PLXNA2: variants seen among roughly 807,000 people sequenced by gnomAD.
PLXNA2 encodes plexin A2.
Under a neutral mutation model 193.5 loss-of-function variants are expected in PLXNA2, and 91 were observed. The observed-to-expected ratio is 0.47, with a 90% CI of 0.40 to 0.56. The LOEUF (loss-of-function observed/expected upper bound fraction) is 0.56. PLXNA2 is among the 20% of genes least tolerant of loss of function. The probability of loss-of-function intolerance (pLI) is 0.00; values close to 1 mark genes in which losing one functional copy is unlikely to be tolerated. For synonymous variants in PLXNA2, 997 were observed against 1,027.3 expected (o/e 0.97, Z 0.56); for missense variants, 1,995 against 2,503.2 (o/e 0.80, Z 4.33).
rs1313558834 is a variant in PLXNA2 at position 208,029,320 on chromosome 1, C to G, written c.5226-278G>C. 9 of 1,254,114 alleles carry G rather than the reference C, an allele frequency of 7.2e-6. No homozygotes were observed. In the African/African-American group the frequency reaches 7.6e-5, roughly 11 times the overall value. The allele number at this position is 1,254,114 out of a possible 1,614,324, so 77.7% of individuals were successfully genotyped here. On this transcript the variant is annotated intron_variant, in intron 29 of 31. Transcript: ENST00000367033. ...GTGTGTTCTGTTCCCTTCTGGGAGA[C>G]TTTTCTAAAGGACTCTGTGCCCCTA...
Position 208,038,300 on chromosome 1 carries a change from C to T in PLXNA2, c.4764+71G>A, listed in dbSNP as rs1664738628. 2 of 1,046,760 alleles carry T rather than the reference C, an allele frequency of 1.9e-6. No homozygotes were observed. Among genetic ancestry groups the T allele is most frequent in the Non-Finnish European group, 1.5e-6 (1 of 664,630 alleles). The allele number at this position is 1,046,760 out of a possible 1,614,324, so 64.8% of individuals were successfully genotyped here. A position where few individuals can be genotyped will look rare whatever the true frequency, so the allele number is the denominator to read the frequency against. On this transcript the variant is annotated intron_variant, in intron 26 of 31. Coordinates refer to ENST00000367033, the MANE Select transcript of PLXNA2 (RefSeq NM_025179.4). This position sits in a 1 kb window ranked among gnomAD's most constrained non-coding sequence, Gnocchi z 4.1. ...GAAAATCCTTTTTAGACTTTTGAGG[C>T]CTTAGAGCAAGGCTTAGCGGGAAGG...
chr1:208,072,879 A>C (rs1666018461), intron 12 of PLXNA2, among the ~76,000 whole-genome samples: 1 of 152,162 alleles, frequency 6.6e-6, no homozygotes. Flanking sequence ...GTAAGTTCCA[A>C]GAGGATTCTG....
At chr1:208,121,261 C>G (rs1667798793) in intron 4 of PLXNA2, among the ~76,000 whole-genome samples, 1 of 152,068 alleles carries the variant, frequency 6.6e-6, no homozygotes, top group Admixed American at 6.5e-5. Context: ...TCAGGATTCC[C>G]TAAAACCCTC....
intron 1 of PLXNA2, among the ~76,000 whole-genome samples, chr1:208,219,291 A>AGCCTGGAGGTCAGAGAGCAGG: frequency 6.6e-6 from 1 of 152,168 alleles, no homozygotes; most frequent in Non-Finnish European, 1.5e-5. Context: ...CAGAGAGCAG[A>AGCCTGGAGGTCAGAGAGCAGG]GCCTGGAGGT....
rs769712754 is a variant in PLXNA2 at position 208,033,519 on chromosome 1, A to C, written c.4865-10T>G. 1.9e-5 allele frequency: 31 copies of C among 1,594,422 alleles called. 1 individual carries two copies. In the South Asian group the frequency reaches 3.3e-4, roughly 17 times the overall value. On this transcript the variant is annotated splice_polypyrimidine_tract_variant and intron_variant, in intron 27 of 31. Transcript: ENST00000367033. ...TACCTGAAGGAGGAGTCTGAGGAGA[A>C]GGGGTTGGTGGAGGGCTGTGAGTAA...
chr1:208,060,706 C>T lies in PLXNA2; in HGVS notation c.2718G>A (p.Gly906=), dbSNP rs755569186. ...VAGVPCTPLP[G]EYIIAEQIVC... ...CTCACTGCTCAGCGATGATGTATTC[C>T]CCTGGGAGGGGCGTGCAGGGCACCC... Residue 906 remains glycine (G), a synonymous_variant, in exon 13 of 32, where the codon GGG becomes GGA. Coordinates refer to ENST00000367033, the MANE Select transcript of PLXNA2 (RefSeq NM_025179.4). The T allele has an allele frequency of 6.2e-6, 10 of 1,613,848 alleles. No homozygotes were observed. The South Asian group carries it at 8.8e-5, about 14-fold the overall frequency.
intron 18 of PLXNA2, among the ~76,000 whole-genome samples, 174 bp downstream of exon 18, chr1:208,045,704 A>G (rs1412983038): frequency 6.6e-6 from 1 of 152,238 alleles, no homozygotes; most frequent in Non-Finnish European, 1.5e-5. Context: ...TGCAAGCTAT[A>G]TCGCCTGATG....
chr1:208,205,797 T>C (rs1290072786), intron 3 of PLXNA2, among the ~76,000 whole-genome samples: 1 of 152,148 alleles, frequency 6.6e-6, no homozygotes, highest in Non-Finnish European at 1.5e-5. Flanking sequence ...CTTCCTTATA[T>C]GAAGGGGAAA....
chr1:208,178,506 G>A lies in PLXNA2; in HGVS notation c.1371+31774C>T, dbSNP rs574276882. 1.3e-3 allele frequency among the ~76,000 whole-genome samples: 200 copies of A among 152,294 alleles called. 1 individual carries two copies. Among genetic ancestry groups the A allele is most frequent in the African/African-American group, 3.5e-3 (146 of 41,566 alleles). The stretch of plus-strand genomic sequence containing the variant: ...GGAAGGCCTAAAATACCAAATGAAA[G>A]AATAAATCTTCAGGGGTAGGGGCGG... On this transcript the variant is annotated intron_variant, in intron 3 of 31. Coordinates refer to ENST00000367033, the MANE Select transcript of PLXNA2 (RefSeq NM_025179.4).
At chr1:208,136,950 C>T (rs1184632120) in intron 4 of PLXNA2, among the ~76,000 whole-genome samples, 1 of 152,204 alleles carries the variant, frequency 6.6e-6, no homozygotes, top group African/African-American at 2.4e-5. Context: ...TCTCAATCCT[C>T]ACAACAATTG....
At chr1:208,238,333 G>C (rs1172629690) in intron 1 of PLXNA2, among the ~76,000 whole-genome samples, 1 of 152,208 alleles carries the variant, frequency 6.6e-6, no homozygotes. Flanking sequence ...TTTAGCCAAA[G>C]AAAAGCAGAA....
intron 3 of PLXNA2, among the ~76,000 whole-genome samples, chr1:208,166,361 C>T (rs957674187): frequency 2.0e-5 from 3 of 152,304 alleles, no homozygotes; most frequent in Non-Finnish European, 4.4e-5. Flanking sequence ...CAGGCTCAGC[C>T]CACTGAGCTG....
At chr1:208,103,010 A>T in intron 5 of PLXNA2, 137 bp downstream of exon 5, 1 of 701,410 alleles carries the variant, frequency 1.4e-6, no homozygotes, top group Non-Finnish European at 2.5e-6. Context: ...CCTGCTCTCA[A>T]CACTGAAGCC....
intron 4 of PLXNA2, among the ~76,000 whole-genome samples, chr1:208,131,532 C>T (rs1668153254): frequency 6.6e-6 from 1 of 152,158 alleles, no homozygotes; most frequent in Admixed American, 6.5e-5. Flanking sequence ...CTGCAGAGCT[C>T]TGGGGTGTCA....
intron 1 of PLXNA2, among the ~76,000 whole-genome samples, chr1:208,224,693 G>A (rs1033185756): frequency 6.6e-6 from 1 of 152,076 alleles, no homozygotes; most frequent in Non-Finnish European, 1.5e-5. Flanking sequence ...CCTTGCCCCA[G>A]AGTGAAGAAG....
At chr1:208,037,168 C>T (rs1018221950) in intron 26 of PLXNA2, among the ~76,000 whole-genome samples, 2 of 152,090 alleles carry the variant, frequency 1.3e-5, no homozygotes, top group African/African-American at 2.4e-5. Context: ...ATGAGGAGCC[C>T]AAGGTGCAGA....
In PLXNA2 at chr1:208,201,141, C is replaced by T. The variant is rs543991425; in HGVS notation, c.1371+9139G>A. ...CATTATATATCCTCCATGTCTGATA[C>T]GCATAGCAATCTTGCCAGGCAGGCA... On this transcript the variant is annotated intron_variant, in intron 3 of 31. Transcript: ENST00000367033. Among the ~76,000 whole-genome samples the T allele has an allele frequency of 7.9e-5, 12 of 152,330 alleles. No individual in the cohort carries two copies. The East Asian group carries it at 1.2e-3, about 15-fold the overall frequency.
At chr1:208,057,088 G>A (rs533644032) in intron 13 of PLXNA2, among the ~76,000 whole-genome samples, 2 of 152,194 alleles carry the variant, frequency 1.3e-5, no homozygotes. Context: ...GGGTTATATT[G>A]AGGAAGGAGT....
chr1:208,164,161 T>C (rs1558224079), intron 3 of PLXNA2, among the ~76,000 whole-genome samples: 1 of 152,218 alleles, frequency 6.6e-6, no homozygotes, highest in Non-Finnish European at 1.5e-5. Flanking sequence ...AGCATTTGGT[T>C]AGGGGACACC....
Sources: gnomAD v4.1 joint callset for allele counts (sites outside exome capture counted in the v4.1 genomes callset) on GRCh38, gnomAD v4.1.1 for gene constraint, Gnocchi (gnomAD v3.1) non-coding constraint, MANE v1.5 for transcripts, NCBI Gene and HGNC (gene_info 2026-07-23, HGNC 2026-07-21) for gene names.